Variants in NDUFAF2 observed in about 807,000 individuals in gnomAD.
NDUFAF2 encodes the protein NADH:ubiquinone oxidoreductase complex assembly factor 2.
NDUFAF2 carries 13 observed loss-of-function variants against 22.8 expected under a neutral mutation model. The ratio of observed to expected loss-of-function variants is 0.57; its 90% CI spans 0.37 to 0.91. The LOEUF is 0.91. NDUFAF2 is among the 40% of genes least tolerant of loss of function. The probability of loss-of-function intolerance (pLI) is 0.01; values close to 1 mark genes in which losing one functional copy is unlikely to be tolerated. For synonymous variants in NDUFAF2, 53 were observed against 64.2 expected, an observed-to-expected ratio of 0.83 and a Z score of 0.84; for missense variants, 162 against 195.2, an observed-to-expected ratio of 0.83 and a Z score of 1.01.
At chr5:61,070,175 A>T (rs747741329) in intron 1 of NDUFAF2, among the ~76,000 whole-genome samples, 6 of 152,288 alleles carry the variant, frequency 3.9e-5, no homozygotes, top group Middle Eastern at 3.4e-3. Flanking sequence ...ATTAGAACCT[A>T]AAATTTTGAT....
chr5:61,079,955 T>C (rs1752421692), intron 2 of NDUFAF2, among the ~76,000 whole-genome samples: 1 of 152,240 alleles, frequency 6.6e-6, no homozygotes, highest in Non-Finnish European at 1.5e-5. Context: ...TTTAACGTTC[T>C]CTGAGACCAC....
intron 1 of NDUFAF2, among the ~76,000 whole-genome samples, chr5:60,963,700 C>T (rs1750719580): frequency 6.6e-6 from 1 of 152,148 alleles, no homozygotes; most frequent in African/African-American, 2.4e-5. Context: ...ACTGAGCTTA[C>T]ATTGAAGCTG....
intron 1 of NDUFAF2, among the ~76,000 whole-genome samples, chr5:61,022,392 A>T (rs994352848): frequency 6.6e-6 from 1 of 152,078 alleles, no homozygotes; most frequent in African/African-American, 2.4e-5. Flanking sequence ...CTCAGTTTTT[A>T]TTTGTCTGAG....
intron 3 of NDUFAF2, among the ~76,000 whole-genome samples, chr5:61,126,408 G>C (rs1344678827): frequency 2.0e-5 from 3 of 151,930 alleles, no homozygotes; most frequent in African/African-American, 7.2e-5. Context: ...TTCAGTAATT[G>C]TCTCCTTCAC....
intron 1 of NDUFAF2, among the ~76,000 whole-genome samples, chr5:60,949,766 C>G (rs1750517759): frequency 6.6e-6 from 1 of 152,092 alleles, no homozygotes; most frequent in African/African-American, 2.4e-5. Flanking sequence ...AAATTTATCA[C>G]TGATTTGTAG....
At chr5:60,954,614 C>G (rs1459803811) in intron 1 of NDUFAF2, among the ~76,000 whole-genome samples, 1 of 151,984 alleles carries the variant, frequency 6.6e-6, no homozygotes, top group Non-Finnish European at 1.5e-5. Context: ...CAACTTTTTC[C>G]TTTCATGTGT....
intron 3 of NDUFAF2, among the ~76,000 whole-genome samples, chr5:61,149,122 C>A (rs1328292187): frequency 6.6e-6 from 1 of 152,108 alleles, no homozygotes; most frequent in East Asian, 1.9e-4. Flanking sequence ...AGGAGTACAC[C>A]ACCACACCTG....
At chr5:61,136,039 A>ATATATATATATATC (rs1367597510) in intron 3 of NDUFAF2, among the ~76,000 whole-genome samples, 3 of 103,426 alleles carry the variant, frequency 2.9e-5, no homozygotes, top group African/African-American at 3.7e-5. Flanking sequence ...ATATATATAT[A>ATATATATATATATC]TATCTAGGGT....
At chr5:60,954,491 A>G (rs955403029) in intron 1 of NDUFAF2, among the ~76,000 whole-genome samples, 9 of 152,174 alleles carry the variant, frequency 5.9e-5, no homozygotes, top group Non-Finnish European at 8.8e-5. Flanking sequence ...GTATCTTTAC[A>G]GTATTCCCTG....
At position 61,025,571 on chromosome 5, in the gene NDUFAF2, A is replaced by G. The variant is rs534522304; in HGVS notation, c.128-47554A>G. Among the ~76,000 whole-genome samples the G allele has an allele frequency of 4.4e-4, 67 of 152,154 alleles. No individual in the cohort carries two copies. In the South Asian group the frequency reaches 0.013, roughly 30 times the overall value. Reference sequence around the variant, plus strand: ...TTTAGTTGAAAATGATTCTTTGGTGAAAAATTAACTCTGTAAATATGTATT... The same window carrying G: ...TTTAGTTGAAAATGATTCTTTGGTGGAAAATTAACTCTGTAAATATGTATT... On this transcript the variant is annotated intron_variant, in intron 1 of 3. Coordinates refer to ENST00000296597, the MANE Select transcript of NDUFAF2 (RefSeq NM_174889.5).
At chr5:61,108,890 T>G (rs1752801351) in intron 3 of NDUFAF2, among the ~76,000 whole-genome samples, 1 of 152,176 alleles carries the variant, frequency 6.6e-6, no homozygotes, top group Non-Finnish European at 1.5e-5. Context: ...TGCCAGGTAT[T>G]GTGATTCCCC....
chr5:61,093,424 T>G (rs1234930470), intron 2 of NDUFAF2, among the ~76,000 whole-genome samples: 1 of 152,208 alleles, frequency 6.6e-6, no homozygotes, highest in Non-Finnish European at 1.5e-5. Flanking sequence ...TATTTTAAGG[T>G]ATGTTCCTTC....
chr5:61,075,348 A>C (rs6871236), intron 2 of NDUFAF2, among the ~76,000 whole-genome samples: 20,875 of 152,020 alleles, frequency 0.14, 1,775 homozygotes, highest in South Asian at 0.26. Flanking sequence ...GAAAAAAAAA[A>C]CCATAAAAAT....
At chr5:60,990,424 C>T (rs1392330107) in intron 1 of NDUFAF2, among the ~76,000 whole-genome samples, 1 of 151,696 alleles carries the variant, frequency 6.6e-6, no homozygotes, top group Non-Finnish European at 1.5e-5. Context: ...ACTATGTACC[C>T]CTAAAATTAA....
At chr5:61,117,650 C>T (rs1489759708) in intron 3 of NDUFAF2, among the ~76,000 whole-genome samples, 1 of 151,626 alleles carries the variant, frequency 6.6e-6, no homozygotes, top group African/African-American at 2.4e-5. Context: ...GCCACTGTGC[C>T]CAGCCCAATG....
At chr5:61,101,940 A>G (rs1752709605) in intron 3 of NDUFAF2, among the ~76,000 whole-genome samples, 2 of 152,130 alleles carry the variant, frequency 1.3e-5, no homozygotes, top group South Asian at 2.1e-4. Context: ...TTTATTTTGC[A>G]TCTGCATCAC....
At chr5:61,123,020 A>C (rs1752994970) in intron 3 of NDUFAF2, among the ~76,000 whole-genome samples, 1 of 152,148 alleles carries the variant, frequency 6.6e-6, no homozygotes, top group Admixed American at 6.6e-5. Context: ...TTTCCTGTCC[A>C]TTGAGCACAT....
At chr5:61,118,572 A>C (rs13171576) in intron 3 of NDUFAF2, among the ~76,000 whole-genome samples, 79,396 of 151,676 alleles carry the variant, frequency 0.52, 21,989 homozygotes, top group East Asian at 0.91. Flanking sequence ...CTTGCCAATT[A>C]AGTTATATTG....
chr5:61,153,023 G>A lies in NDUFAF2; in HGVS notation c.*68G>A, dbSNP rs1741268953. 9.8e-6 allele frequency: 15 copies of A among 1,534,584 alleles called. No homozygotes were observed. The highest frequency in any genetic ancestry group is 1.4e-5 in the African/African-American group (1 of 72,794). ...TTTTAACAAATAAAAGAAGTGAAAA[G>A]TTATTTACCTTGTATTTTCTGAATG... is the stretch of plus-strand genomic sequence containing the variant. On this transcript the variant is annotated 3_prime_UTR_variant, in exon 4 of 4. Coordinates refer to ENST00000296597, the MANE Select transcript of NDUFAF2 (RefSeq NM_174889.5).
Sources: gnomAD v4.1 joint callset for allele counts (sites outside exome capture counted in the v4.1 genomes callset) on GRCh38, gnomAD v4.1.1 for gene constraint, MANE v1.5 for transcripts, NCBI Gene and HGNC (gene_info 2026-07-23, HGNC 2026-07-21) for gene names.